Variants in CDH4 observed in about 807,000 individuals in gnomAD.
CDH4 encodes cadherin-4.
CDH4 carries 33 observed loss-of-function variants against 86.0 expected under a neutral mutation model. That is an observed-to-expected ratio of 0.38 (90% CI 0.29 to 0.51). The LOEUF (loss-of-function observed/expected upper bound fraction) is 0.51, where lower values mean the gene tolerates loss of function less well. Ranked by LOEUF, CDH4 falls within the 20% of genes least tolerant of loss-of-function variation. The pLI is 0.86. For missense variants in CDH4, 1,114 were observed against 1,307.4 expected (o/e 0.85, Z 2.28); for synonymous variants, 555 against 549.4 (o/e 1.01, Z -0.14).
intron 2 of CDH4, among the ~76,000 whole-genome samples, chr20:61,705,973 C>G (rs533563826): frequency 6.6e-6 from 1 of 152,212 alleles, no homozygotes; most frequent in African/African-American, 2.4e-5. Flanking sequence ...CTCTTAAAGG[C>G]GCCTGTGGAT....
chr20:61,732,973 G>A (rs1396372302), intron 2 of CDH4, among the ~76,000 whole-genome samples: 1 of 152,212 alleles, frequency 6.6e-6, no homozygotes, highest in African/African-American at 2.4e-5. Context: ...AGAGTGACCA[G>A]CTGGGGGCCT....
intron 2 of CDH4, among the ~76,000 whole-genome samples, chr20:61,297,522 G>A (rs907072109): frequency 2.0e-5 from 3 of 152,388 alleles, no homozygotes; most frequent in Non-Finnish European, 4.4e-5. Context: ...AATCCCCATG[G>A]TCCATCTGTG....
chr20:61,328,590 T>C (rs6513572), intron 2 of CDH4, among the ~76,000 whole-genome samples: 25,397 of 152,118 alleles, frequency 0.17, 2,645 homozygotes, highest in African/African-American at 0.3. Context: ...TCAAGACCAG[T>C]CTGGGCAACA....
chr20:61,556,862 C>T (rs907056868), intron 2 of CDH4, among the ~76,000 whole-genome samples: 6 of 152,004 alleles, frequency 3.9e-5, no homozygotes, highest in Admixed American at 2.0e-4. Flanking sequence ...ACCACAACTC[C>T]GGGGCAACAA....
chr20:61,886,722 C>T (rs1984555669), intron 7 of CDH4, among the ~76,000 whole-genome samples: 1 of 152,186 alleles, frequency 6.6e-6, no homozygotes, highest in African/African-American at 2.4e-5. Flanking sequence ...GCCTCCAGAG[C>T]ACTCACCAGC....
At chr20:61,337,810 T>G (rs1361131468) in intron 2 of CDH4, among the ~76,000 whole-genome samples, 6 of 152,158 alleles carry the variant, frequency 3.9e-5, no homozygotes, top group Non-Finnish European at 8.8e-5. Context: ...TCTAAACCTG[T>G]GCCCGCACCA....
chr20:61,701,886 C>A (rs904747205), intron 2 of CDH4, among the ~76,000 whole-genome samples: 2 of 152,212 alleles, frequency 1.3e-5, no homozygotes, highest in African/African-American at 2.4e-5. Context: ...TCGAGTGGGA[C>A]AAGTTTGACC....
intron 2 of CDH4, among the ~76,000 whole-genome samples, chr20:61,471,310 A>T (rs180840530): frequency 6.6e-6 from 1 of 152,140 alleles, no homozygotes; most frequent in East Asian, 1.9e-4. Flanking sequence ...ACTTATTGTC[A>T]TACAGTTGCT....
At chr20:61,599,648 C>A in intron 2 of CDH4, 1 of 195,224 alleles carries the variant, frequency 5.1e-6, no homozygotes, top group Non-Finnish European at 9.3e-6. Flanking sequence ...GACAATAGCC[C>A]TGTCCCAGTG....
intron 2 of CDH4, among the ~76,000 whole-genome samples, chr20:61,651,078 G>A (rs2087115688): frequency 6.6e-6 from 1 of 152,114 alleles, no homozygotes; most frequent in Non-Finnish European, 1.5e-5. Flanking sequence ...CGCCGTGCTT[G>A]GCCGTGCACT....
intron 2 of CDH4, among the ~76,000 whole-genome samples, chr20:61,333,248 C>T (rs2084594110): frequency 7.4e-6 from 1 of 135,926 alleles, no homozygotes; most frequent in African/African-American, 3.0e-5. Context: ...TGCACAGGCA[C>T]ATGCACACAC....
chr20:61,338,157 C>A (rs755662966), intron 2 of CDH4, among the ~76,000 whole-genome samples: 2 of 152,034 alleles, frequency 1.3e-5, no homozygotes, highest in Non-Finnish European at 2.9e-5. Context: ...TTGGTTTGAC[C>A]AAGGAAAGAA....
intron 2 of CDH4, among the ~76,000 whole-genome samples, chr20:61,470,796 G>T (rs2085497679): frequency 6.6e-6 from 1 of 152,118 alleles, no homozygotes; most frequent in Admixed American, 6.5e-5. Context: ...CAACTGAAAT[G>T]ATCATATGGT....
At chr20:61,901,197 T>TGAGCAGGAGCAGGAGCAG (rs76046588) in intron 8 of CDH4, among the ~76,000 whole-genome samples, 4 of 148,930 alleles carry the variant, frequency 2.7e-5, no homozygotes, top group African/African-American at 7.5e-5. Context: ...GGTATTGCAG[T>TGAGCAGGAGCAGGAGCAG]GAGCAGGAGC....
chr20:61,529,603 C>T (rs6061602), intron 2 of CDH4, among the ~76,000 whole-genome samples: 27,678 of 152,100 alleles, frequency 0.18, 2,888 homozygotes, highest in East Asian at 0.32. Context: ...TTCAATGCCT[C>T]GTGTGGTTTG....
chr20:61,257,859 T>A (rs781707773), intron 2 of CDH4, among the ~76,000 whole-genome samples: 3 of 152,146 alleles, frequency 2.0e-5, no homozygotes, highest in Non-Finnish European at 4.4e-5. Flanking sequence ...GATTCATAAC[T>A]CGTAGAGGCG....
intron 2 of CDH4, among the ~76,000 whole-genome samples, chr20:61,561,027 C>G (rs143852839): frequency 6.6e-6 from 1 of 152,156 alleles, no homozygotes; most frequent in Non-Finnish European, 1.5e-5. Flanking sequence ...GATTATGCCC[C>G]GGGCCCAGGT....
At chr20:61,782,338 T>C (rs1272298018) in intron 4 of CDH4, among the ~76,000 whole-genome samples, 1 of 151,562 alleles carries the variant, frequency 6.6e-6, no homozygotes, top group Non-Finnish European at 1.5e-5. Context: ...GAAGGTGAAA[T>C]AAAGACATTC....
rs540947224 is a variant in CDH4, at chr20:61,333,869, C to T, written c.169+78932C>T. Among the ~76,000 whole-genome samples, 486 of 152,368 alleles carry T rather than the reference C, an allele frequency of 3.2e-3. 1 individual carries two copies. The highest frequency in any genetic ancestry group is 4.5e-3 in the Non-Finnish European group (304 of 68,044). ...TAGCACATGGCACATCTGTGTCCTG[C>T]CAGGGCCTGGCAATGGCTGCATACA... On this transcript the variant is annotated intron_variant, in intron 2 of 15. Coordinates refer to ENST00000614565, the MANE Select transcript of CDH4 (RefSeq NM_001794.5).
Sources: allele counts gnomAD v4.1 joint callset (sites outside exome capture counted in the v4.1 genomes callset), GRCh38; gene constraint gnomAD v4.1.1; transcripts MANE v1.5; gene names NCBI Gene and HGNC (gene_info 2026-07-23, HGNC 2026-07-21).